The following BRWD1 variants were observed in gnomAD, a reference collection of about 807,000 sequenced individuals.
The protein encoded by BRWD1 is bromodomain and WD repeat domain containing 1.
Under a neutral mutation model 251.2 loss-of-function variants are expected in BRWD1, and 82 were observed. That is an observed-to-expected ratio of 0.33 (90% CI 0.27 to 0.39). The LOEUF (loss-of-function observed/expected upper bound fraction) is 0.39, where lower values mean the gene tolerates loss of function less well. Ranked by LOEUF, BRWD1 falls within the 10% of genes least tolerant of loss-of-function variation. The probability of loss-of-function intolerance (pLI) is 1.00; values close to 1 mark genes in which losing one functional copy is unlikely to be tolerated. For synonymous variants in BRWD1, 918 were observed against 902.8 expected, an observed-to-expected ratio of 1.02 and a Z score of -0.30; for missense variants, 2,233 against 2,711.6, an observed-to-expected ratio of 0.82 and a Z score of 3.92.
chr21:39,215,725 G>A (rs1242330555), intron 31 of BRWD1, among the ~76,000 whole-genome samples: 1 of 152,096 alleles, frequency 6.6e-6, no homozygotes, highest in Admixed American at 6.5e-5. Context: ...CAGCAAGCTG[G>A]GATTACACCT....
chr21:39,229,753 A>C (rs1265705142), intron 25 of BRWD1, among the ~76,000 whole-genome samples: 2 of 152,140 alleles, frequency 1.3e-5, no homozygotes, highest in Non-Finnish European at 2.9e-5. Context: ...TTTGTTTTGG[A>C]AACAGGATCT....
At chr21:39,218,849 A>G (rs1044288990) in intron 29 of BRWD1, among the ~76,000 whole-genome samples, 189 bp from the exon 30 acceptor site, 1 of 152,196 alleles carries the variant, frequency 6.6e-6, no homozygotes, top group Non-Finnish European at 1.5e-5. Flanking sequence ...AGGTAAAAAC[A>G]CAATCTACCT....
chr21:39,185,273 T>G, downstream of BRWD1: 1 of 117,358 alleles, frequency 8.5e-6, no homozygotes, highest in Non-Finnish European at 1.8e-5. Flanking sequence ...AAGCTTAAAT[T>G]CTTTCATTAC....
intron 4 of BRWD1, chr21:39,312,453 G>A (rs2036520037): frequency 5.7e-6 from 1 of 175,900 alleles, no homozygotes; most frequent in East Asian, 1.6e-4. Flanking sequence ...CCCGGGCGGG[G>A]CAAGAGCAGC....
rs368458821 is a variant in BRWD1 at position 39,305,866 on chromosome 21, GA to G, written c.198+6974del. On this transcript the variant is annotated intron_variant, in intron 4 of 40. Transcript: ENST00000342449. The stretch of plus-strand genomic sequence containing the variant: ...CGACGGTGCAAGACTGTCTCAAAAA[GA>G]AAAAAAAAAAAAAAACCTTATCGGG... Among the ~76,000 whole-genome samples the G allele has an allele frequency of 2.2e-4, 29 of 131,926 alleles. No individual in the cohort carries two copies. In the South Asian group the frequency reaches 3.0e-3, roughly 14 times the overall value. 86.5% of individuals were successfully genotyped at this position (131,926 alleles called of 152,430 possible).
In BRWD1 at chr21:39,198,781, G is replaced by C. The variant is rs763587322; in HGVS notation, c.5635C>G (p.Pro1879Ala). ...GAATTACCTTTCATAAAATTGTTTG[G>C]TTTTTCTATTTTGTCATCATCTGAA... Reference protein sequence around the residue: ...LDSDDDKIEKPNNFMKDSASQ... With the variant: ...LDSDDDKIEKANNFMKDSASQ... Residue 1879 changes from proline (P) to alanine (A), a missense_variant, in exon 40 of 41, where the codon CCA becomes GCA. Coordinates refer to ENST00000342449, the MANE Select transcript of BRWD1 (RefSeq NM_033656.4). 4.9e-5 allele frequency: 78 copies of C among 1,589,540 alleles called. No individual in the cohort carries two copies. Among genetic ancestry groups the C allele is most frequent in the Non-Finnish European group, 6.0e-5 (70 of 1,169,694 alleles).
chr21:39,307,487 A>G (rs1414173827), intron 4 of BRWD1, among the ~76,000 whole-genome samples: 1 of 152,176 alleles, frequency 6.6e-6, no homozygotes, highest in Non-Finnish European at 1.5e-5. Flanking sequence ...TGCACATATT[A>G]TATGTATATA....
chr21:39,262,112 A>C (rs2034770150), intron 17 of BRWD1, among the ~76,000 whole-genome samples: 1 of 152,236 alleles, frequency 6.6e-6, no homozygotes, highest in Non-Finnish European at 1.5e-5. Context: ...TTCATCCAGA[A>C]GACAAGCAAT....
intron 21 of BRWD1, among the ~76,000 whole-genome samples, chr21:39,246,678 A>G (rs2034200128): frequency 6.6e-6 from 1 of 152,254 alleles, no homozygotes; most frequent in African/African-American, 2.4e-5. Flanking sequence ...TAGGCAATAA[A>G]AAGTAAAAAA....
At chr21:39,229,177 T>C (rs1276399635) in intron 26 of BRWD1, 135 bp downstream of exon 26, 1 of 743,810 alleles carries the variant, frequency 1.3e-6, no homozygotes, top group Non-Finnish European at 2.1e-6. Flanking sequence ...CATCAGAAGC[T>C]CGAGCCACAT....
chr21:39,281,927 C>CGT (rs749938038), intron 8 of BRWD1, among the ~76,000 whole-genome samples: 45,769 of 150,394 alleles, frequency 0.3, 7,437 homozygotes, highest in Middle Eastern at 0.37. Flanking sequence ...TATACGTATA[C>CGT]ATACATATAC....
At chr21:39,260,295 ACTTTT>A (rs771709093) in intron 17 of BRWD1, among the ~76,000 whole-genome samples, 1 of 151,252 alleles carries the variant, frequency 6.6e-6, no homozygotes, top group Non-Finnish European at 1.5e-5. Flanking sequence ...AGGCTATATA[ACTTTT>A]CTTTTTTTTC....
intron 8 of BRWD1, among the ~76,000 whole-genome samples, chr21:39,288,779 A>C (rs536925308): frequency 6.6e-6 from 1 of 152,348 alleles, no homozygotes; most frequent in South Asian, 2.1e-4. Flanking sequence ...ATTAAGTAGA[A>C]GTGATCATCT....
rs1020914271 is a variant in BRWD1, at chr21:39,190,714, A to G, written c.*5545T>C. 8 of 985,204 alleles carry G rather than the reference A, an allele frequency of 8.1e-6. No homozygotes were observed. The highest frequency in any genetic ancestry group is 1.1e-4 in the East Asian group (1 of 8,834). 61.0% of individuals were successfully genotyped at this position (985,204 alleles called of 1,614,324 possible). ...ACATCCCATAAACTGAAGTACCCCA[A>G]TGGCTGTAGAATAAAATGGTTTCTG... is the stretch of plus-strand genomic sequence containing the variant. On this transcript the variant is annotated 3_prime_UTR_variant, in exon 41 of 41. Transcript: ENST00000342449.
chr21:39,280,459 C>G (rs936802189), intron 8 of BRWD1, among the ~76,000 whole-genome samples: 2 of 152,006 alleles, frequency 1.3e-5, no homozygotes, highest in African/African-American at 4.8e-5. Context: ...TCAGAATGAA[C>G]AAGACTGGCC....
At chr21:39,207,108 T>A (rs2032429263) in intron 36 of BRWD1, among the ~76,000 whole-genome samples, 2 of 152,160 alleles carry the variant, frequency 1.3e-5, no homozygotes, top group Admixed American at 1.3e-4. Context: ...TCTGAAATGA[T>A]CTTTGACAGT....
chr21:39,228,367 T>C, intron 27 of BRWD1, 133 bp downstream of exon 27: 1 of 617,660 alleles, frequency 1.6e-6, no homozygotes, highest in Non-Finnish European at 2.9e-6. Flanking sequence ...AATATATTTA[T>C]AGGTCACTTA....
chr21:39,276,257 G>C (rs1322255701), intron 11 of BRWD1, 44 bp from the exon 12 acceptor site: 1 of 1,523,396 alleles, frequency 6.6e-7, no homozygotes, highest in East Asian at 2.3e-5. Context: ...TCATCTACAT[G>C]GTCTGTGAAT....
rs1405370594 is a variant in BRWD1 at position 39,192,710 on chromosome 21, C to T, written c.*3549G>A. The T allele has an allele frequency of 5.1e-6, 5 of 984,848 alleles. No individual in the cohort carries two copies. The highest frequency in any genetic ancestry group is 6.0e-6 in the Non-Finnish European group (5 of 829,720). The allele number at this position is 984,848 out of a possible 1,614,324, so 61.0% of individuals were successfully genotyped here. Reference sequence around the variant, plus strand: ...CAAAGCAAAAAGACCATTTTCTAGCCATTTAAAAGTTACTCAAAAAATTGA... The same window carrying T: ...CAAAGCAAAAAGACCATTTTCTAGCTATTTAAAAGTTACTCAAAAAATTGA... On this transcript the variant is annotated 3_prime_UTR_variant, in exon 41 of 41. Transcript: ENST00000342449.
Sources: gnomAD v4.1 joint callset for allele counts (sites outside exome capture counted in the v4.1 genomes callset) on GRCh38, gnomAD v4.1.1 for gene constraint, MANE v1.5 for transcripts, NCBI Gene and HGNC (gene_info 2026-07-23, HGNC 2026-07-21) for gene names.